AGMO: variants seen among roughly 807,000 people sequenced by gnomAD.
The protein encoded by AGMO is alkylglycerol monooxygenase, also known as glyceryl-ether monooxygenase.
Under a neutral mutation model 60.2 loss-of-function variants are expected in AGMO, and 75 were observed. The observed-to-expected ratio is 1.25, with a 90% CI of 1.03 to 1.51. The LOEUF (loss-of-function observed/expected upper bound fraction) is 1.51, where lower values mean the gene tolerates loss of function less well. Among genes scored for constraint, AGMO ranks in the 40% most tolerant of loss-of-function variants. The probability of loss-of-function intolerance (pLI) is 0.00; values close to 1 mark genes in which losing one functional copy is unlikely to be tolerated. For missense variants in AGMO, 763 were observed against 525.5 expected (o/e 1.45, Z -4.42); for synonymous variants, 261 against 177.1 (o/e 1.47, Z -3.76).
intron 3 of AGMO, among the ~76,000 whole-genome samples, chr7:15,437,602 T>TCC (rs1781436007): frequency 6.7e-6 from 1 of 148,322 alleles, no homozygotes. Flanking sequence ...TGGTGGGATC[T>TCC]CCCCTCACTG....
At chr7:15,416,364 A>C (rs756201078) in intron 5 of AGMO, among the ~76,000 whole-genome samples, 2 of 152,128 alleles carry the variant, frequency 1.3e-5, no homozygotes, top group Non-Finnish European at 2.9e-5. Flanking sequence ...AAATAACTCA[A>C]AAGTAAACAG....
At chr7:15,245,017 A>G (rs913253040) in intron 12 of AGMO, among the ~76,000 whole-genome samples, 1 of 152,162 alleles carries the variant, frequency 6.6e-6, no homozygotes, top group Non-Finnish European at 1.5e-5. Flanking sequence ...GAAAAAATAC[A>G]TATCTCATTC....
At chr7:15,147,129 C>T in the AGMO span, among the ~76,000 whole-genome samples, 1 of 152,130 alleles carries the variant, frequency 6.6e-6, no homozygotes, top group South Asian at 2.1e-4. Context: ...TCCTCAGGGT[C>T]CAAGGTGGCT....
intron 12 of AGMO, among the ~76,000 whole-genome samples, chr7:15,261,260 T>C (rs989394639): frequency 5.9e-5 from 9 of 151,832 alleles, no homozygotes; most frequent in Admixed American, 5.9e-4. Flanking sequence ...AGACCGTTAG[T>C]GAGATTAACC....
chr7:15,411,317 AT>A (rs1421824196), intron 5 of AGMO, among the ~76,000 whole-genome samples: 1 of 151,992 alleles, frequency 6.6e-6, no homozygotes, highest in Non-Finnish European at 1.5e-5. Flanking sequence ...AAAACAGACT[AT>A]GATACTTTGT....
intron 3 of AGMO, among the ~76,000 whole-genome samples, chr7:15,497,567 C>T (rs1411659823): frequency 2.0e-5 from 3 of 152,038 alleles, no homozygotes; most frequent in Admixed American, 6.6e-5. Context: ...AAGAATACCT[C>T]CTTGCTTAAC....
chr7:15,489,893 T>G (rs560593890), intron 3 of AGMO, among the ~76,000 whole-genome samples: 149 of 152,332 alleles, frequency 9.8e-4, no homozygotes, highest in Non-Finnish European at 1.6e-3. Context: ...AACAGAATCA[T>G]GAGTAAACAG....
intron 3 of AGMO, among the ~76,000 whole-genome samples, chr7:15,523,735 G>A (rs1221005732): frequency 1.3e-5 from 2 of 152,070 alleles, no homozygotes; most frequent in Non-Finnish European, 2.9e-5. Flanking sequence ...ACCTAATGTA[G>A]ATGACAGGTT....
At chr7:15,229,708 ATATAT>A (rs1177375303) in intron 12 of AGMO, among the ~76,000 whole-genome samples, 16 of 130,202 alleles carry the variant, frequency 1.2e-4, no homozygotes, top group South Asian at 7.0e-4. Context: ...TTATTTATAT[ATATAT>A]TATATTATAT....
chr7:15,246,598 C>T (rs1056835494), intron 12 of AGMO, among the ~76,000 whole-genome samples: 5 of 152,154 alleles, frequency 3.3e-5, no homozygotes, highest in African/African-American at 1.2e-4. Flanking sequence ...TGTTTTATCT[C>T]TACTTTCCAT....
chr7:15,445,336 A>T (rs77491895), intron 3 of AGMO, among the ~76,000 whole-genome samples: 25,470 of 152,198 alleles, frequency 0.17, 2,278 homozygotes, highest in Middle Eastern at 0.27. Flanking sequence ...TGGACACATT[A>T]AACTTCTATA....
chr7:15,261,849 C>A (rs758578288), intron 12 of AGMO, among the ~76,000 whole-genome samples: 4 of 151,672 alleles, frequency 2.6e-5, no homozygotes, highest in Non-Finnish European at 4.4e-5. Flanking sequence ...GATTTGACAT[C>A]CAGAAATCAA....
At chr7:15,544,150 C>G (rs919541789) in intron 3 of AGMO, among the ~76,000 whole-genome samples, 2 of 149,866 alleles carry the variant, frequency 1.3e-5, no homozygotes, top group African/African-American at 4.9e-5. Context: ...TGTTCTCACT[C>G]ATATGTGGGA....
the AGMO span, among the ~76,000 whole-genome samples, chr7:15,165,717 C>T: frequency 0.65 from 99,326 of 151,876 alleles, 32,624 homozygotes; most frequent in East Asian, 0.73. Context: ...ATAATTTAAT[C>T]TCTTAAAATG....
intron 5 of AGMO, among the ~76,000 whole-genome samples, chr7:15,410,718 G>C (rs1780567930): frequency 1.3e-5 from 2 of 151,736 alleles, no homozygotes. Flanking sequence ...AAGTAAGTAA[G>C]ATCATTTCTA....
intron 3 of AGMO, among the ~76,000 whole-genome samples, chr7:15,475,351 C>T (rs975137223): frequency 3.9e-5 from 6 of 152,004 alleles, no homozygotes; most frequent in Non-Finnish European, 7.4e-5. Flanking sequence ...CCATGTAATA[C>T]TATGTAGCCA....
chr7:15,255,923 T>C (rs1314038922), intron 12 of AGMO, among the ~76,000 whole-genome samples: 1 of 152,202 alleles, frequency 6.6e-6, no homozygotes, highest in East Asian at 1.9e-4. Context: ...GTGTTTTTAA[T>C]GACTGATCAT....
At chr7:15,279,471 T>G (rs1783900092) in intron 12 of AGMO, among the ~76,000 whole-genome samples, 1 of 148,626 alleles carries the variant, frequency 6.7e-6, no homozygotes, top group Non-Finnish European at 1.5e-5. Context: ...CACTGGTTGT[T>G]TTTTTTTATT....
intron 12 of AGMO, among the ~76,000 whole-genome samples, chr7:15,255,274 A>G (rs916134499): frequency 2.6e-5 from 4 of 152,160 alleles, no homozygotes; most frequent in Non-Finnish European, 4.4e-5. Context: ...TGAAAGGTTG[A>G]TGGGTGCAGC....
Sources: gnomAD v4.1 joint callset for allele counts (sites outside exome capture counted in the v4.1 genomes callset) on GRCh38, gnomAD v4.1.1 for gene constraint, MANE v1.5 for transcripts, NCBI Gene and HGNC (gene_info 2026-07-23, HGNC 2026-07-21) for gene names.